Variants in FETUB observed in about 807,000 individuals in gnomAD.
FETUB encodes fetuin B.
FETUB carries 28 observed loss-of-function variants against 30.9 expected under a neutral mutation model. The observed-to-expected ratio is 0.90, with a 90% CI of 0.67 to 1.24. The LOEUF (loss-of-function observed/expected upper bound fraction) is 1.24. Ranked by LOEUF, FETUB falls within the 50% of genes most tolerant of loss-of-function variation. The pLI, the probability that FETUB is intolerant of heterozygous loss-of-function variation, is 0.00. For synonymous variants in FETUB, 186 were observed against 175.9 expected (o/e 1.06, Z -0.45); for missense variants, 469 against 455.3 (o/e 1.03, Z -0.27).
intron 2 of FETUB, chr3:186,641,389 T>G: frequency 2.5e-6 from 1 of 407,968 alleles, no homozygotes; most frequent in Non-Finnish European, 4.5e-6. Flanking sequence ...AGTTGTGTTT[T>G]TACCTCCAAG....
intron 5 of FETUB, among the ~76,000 whole-genome samples, chr3:186,650,969 G>T (rs563306137): frequency 3.5e-4 from 54 of 152,278 alleles, no homozygotes; most frequent in African/African-American, 1.2e-3. Context: ...TCAACACAAA[G>T]AATTTTTTTA....
In FETUB at chr3:186,643,907, C is replaced by A. The variant is rs192367843; in HGVS notation, c.425-844C>A. Among the ~76,000 whole-genome samples the A allele has an allele frequency of 4.3e-4, 65 of 152,332 alleles. 1 individual carries two copies. Among genetic ancestry groups the A allele is most frequent in the Middle Eastern group, 3.4e-3 (1 of 294 alleles). ...GAAATCTGACTGTACTTAATGTGAT[C>A]ATTCTACTCAGTCACACAGTGACTT... On this transcript the variant is annotated intron_variant, in intron 3 of 6. Coordinates refer to ENST00000265029, the MANE Select transcript of FETUB (RefSeq NM_014375.3).
chr3:186,650,070 C>T (rs1257544410), intron 5 of FETUB, among the ~76,000 whole-genome samples: 1 of 144,402 alleles, frequency 6.9e-6, no homozygotes, highest in African/African-American at 2.6e-5. Flanking sequence ...CATTGATGGA[C>T]ACAACATCGG....
Position 186,640,432 on chromosome 3 carries a change from G to C in FETUB, c.-29G>C. On this transcript the variant is annotated 5_prime_UTR_variant, in exon 1 of 7. Transcript: ENST00000265029. ...GCCAGTCCCTGCAGCTCCACAAACTGACCCATCCTGGGCCTTGTTCTCCAC... is the reference window on the plus strand; with the variant it reads ...GCCAGTCCCTGCAGCTCCACAAACTCACCCATCCTGGGCCTTGTTCTCCAC... 1.3e-6 allele frequency: 2 copies of C among 1,575,526 alleles called. No individual in the cohort carries two copies. Among genetic ancestry groups the C allele is most frequent in the Non-Finnish European group, 1.7e-6 (2 of 1,145,312 alleles).
rs149293541 is a variant in FETUB at position 186,651,081 on chromosome 3, T to C, written c.697-137T>C. ...CTTGGTAGGGGTGATCTAGAAAGAATTGACTCAGAGTCTACCTGTTACATA... is the reference window on the plus strand; with the variant it reads ...CTTGGTAGGGGTGATCTAGAAAGAACTGACTCAGAGTCTACCTGTTACATA... On this transcript the variant is annotated intron_variant, in intron 5 of 6. Transcript: ENST00000265029. 22 of 622,078 alleles carry C rather than the reference T, an allele frequency of 3.5e-5. No homozygotes were observed. The East Asian group carries it at 6.2e-4, about 18-fold the overall frequency. The allele number at this position is 622,078 out of a possible 1,614,324, so 38.5% of individuals were successfully genotyped here.
intron 3 of FETUB, among the ~76,000 whole-genome samples, chr3:186,642,844 G>T (rs1175738485): frequency 5.3e-5 from 8 of 152,104 alleles, no homozygotes; most frequent in Non-Finnish European, 1.5e-5. Context: ...GTTCCCTCAG[G>T]CTTCCTTTCT....
At chr3:186,643,511 T>C (rs1717243269) in intron 3 of FETUB, among the ~76,000 whole-genome samples, 1 of 152,096 alleles carries the variant, frequency 6.6e-6, no homozygotes, top group African/African-American at 2.4e-5. Context: ...TCTAATAAGC[T>C]CCAGGAGATA....
chr3:186,639,679 G>A (rs1280348483), upstream of FETUB, among the ~76,000 whole-genome samples: 1 of 146,042 alleles, frequency 6.8e-6, no homozygotes, highest in East Asian at 2.0e-4. Flanking sequence ...AAAAAAGAAG[G>A]CAAGAGTCCC....
upstream of FETUB, chr3:186,636,202 G>A (rs1716767971): frequency 1.3e-5 from 2 of 152,232 alleles, no homozygotes; most frequent in African/African-American, 2.4e-5. Flanking sequence ...CAGCATCCTT[G>A]ACATCTTTTC....
In FETUB at chr3:186,652,195, T is replaced by G; in HGVS notation, c.781-68T>G. On this transcript the variant is annotated intron_variant, in intron 6 of 6. Coordinates refer to ENST00000265029, the MANE Select transcript of FETUB (RefSeq NM_014375.3). ...TCCAACAGAAAGGCACAGATCAGCT[T>G]AGGCTGGTACTAGGCATGGGAGGAC... 5 of 1,498,768 alleles carry G rather than the reference T, an allele frequency of 3.3e-6. No homozygotes were observed. In the South Asian group the frequency reaches 6.9e-5, roughly 21 times the overall value. 92.8% of individuals were successfully genotyped at this position (1,498,768 alleles called of 1,614,324 possible).
At chr3:186,640,151 C>T (rs1716919021), upstream of FETUB, among the ~76,000 whole-genome samples, 1 of 152,226 alleles carries the variant, frequency 6.6e-6, no homozygotes, top group African/African-American at 2.4e-5. Flanking sequence ...CAGGAGGGGA[C>T]CTGCAAATCA....
In FETUB at chr3:186,652,655, G is replaced by T; in HGVS notation, c.*24G>T. On this transcript the variant is annotated 3_prime_UTR_variant, in exon 7 of 7. Transcript: ENST00000265029. ...GAGAATCACACAGAGTCTTCTGTAG[G>T]GGTATGGTGCGCCGCATGACATGGG... The T allele has an allele frequency of 6.4e-7, 1 of 1,573,666 alleles. No individual in the cohort carries two copies. Among genetic ancestry groups the T allele is most frequent in the South Asian group, 1.2e-5 (1 of 84,664 alleles).
upstream of FETUB, chr3:186,636,124 C>T (rs112355507): frequency 0.048 from 7,383 of 152,312 alleles, 251 homozygotes; most frequent in Non-Finnish European, 0.071. Context: ...CCTCAGGAAC[C>T]CTGAAGGTGT....
At chr3:186,640,228 T>G (rs1158301041), upstream of FETUB, 3 of 548,986 alleles carry the variant, frequency 5.5e-6, no homozygotes, top group African/African-American at 1.9e-5. Flanking sequence ...AAACTTAAAT[T>G]CATTTGTATG....
At chr3:186,648,063 T>C (rs1212191145) in intron 5 of FETUB, among the ~76,000 whole-genome samples, 1 of 152,032 alleles carries the variant, frequency 6.6e-6, no homozygotes, top group Non-Finnish European at 1.5e-5. Flanking sequence ...TAAGACAGTG[T>C]CTTGGTGGTA....
At chr3:186,642,590 A>G in intron 3 of FETUB, 32 bp downstream of exon 3, 1 of 1,320,978 alleles carries the variant, frequency 7.6e-7, no homozygotes, top group Non-Finnish European at 1.1e-6. Flanking sequence ...GTTAGTTTTA[A>G]TAAAGGATGG....
At chr3:186,650,381 T>C (rs762624785) in intron 5 of FETUB, among the ~76,000 whole-genome samples, 10 of 152,160 alleles carry the variant, frequency 6.6e-5, no homozygotes, top group African/African-American at 1.2e-4. Flanking sequence ...TAGGAATTTA[T>C]TCTAAGGAAG....
At chr3:186,639,774 C>T (rs1167666225), upstream of FETUB, among the ~76,000 whole-genome samples, 1 of 151,960 alleles carries the variant, frequency 6.6e-6, no homozygotes, top group Non-Finnish European at 1.5e-5. Flanking sequence ...GAGCTTGCTT[C>T]CATACATATG....
chr3:186,644,788 C>T lies in FETUB; in HGVS notation c.462C>T (p.Cys154=). The T allele has an allele frequency of 6.2e-7, 1 of 1,612,266 alleles. No homozygotes were observed. Among genetic ancestry groups the T allele is most frequent in the Non-Finnish European group, 8.5e-7 (1 of 1,179,568 alleles). Residue 154 remains cysteine, a synonymous_variant, in exon 4 of 7, where the codon TGC becomes TGT. Coordinates refer to ENST00000265029, the MANE Select transcript of FETUB (RefSeq NM_014375.3). ...AGATTTACATGACGTGCCCTGACTG[C>T]CCAAGCTCCATACCCACTGACTCTT... ...KKKIYMTCPD[C]PSSIPTDSSN... is the part of the protein sequence containing the mutation.
Sources: allele counts gnomAD v4.1 joint callset (sites outside exome capture counted in the v4.1 genomes callset), GRCh38; gene constraint gnomAD v4.1.1; transcripts MANE v1.5; gene names NCBI Gene and HGNC (gene_info 2026-07-23, HGNC 2026-07-21).